DYNC1I1: variants seen among roughly 807,000 people sequenced by gnomAD.
The protein encoded by DYNC1I1 is cytoplasmic dynein 1 intermediate chain 1.
In DYNC1I1, 43 loss-of-function variants were observed where a neutral mutation model predicts 86.6. The ratio of observed to expected loss-of-function variants is 0.50; its 90% CI spans 0.39 to 0.64. The LOEUF is 0.64. DYNC1I1 is among the 30% of genes least tolerant of loss of function. The pLI is 0.00. For missense variants in DYNC1I1, 604 were observed against 788.8 expected, an observed-to-expected ratio of 0.77 and a Z score of 2.81; for synonymous variants, 262 against 283.7, an observed-to-expected ratio of 0.92 and a Z score of 0.77.
At chr7:95,987,986 T>A (rs1481700093) in intron 9 of DYNC1I1, among the ~76,000 whole-genome samples, 1 of 152,222 alleles carries the variant, frequency 6.6e-6, no homozygotes, top group Non-Finnish European at 1.5e-5. Flanking sequence ...CATCTAATAC[T>A]ATTCTTAACC....
At chr7:95,984,792 T>A in intron 7 of DYNC1I1, 23 bp from the exon 8 acceptor site, 1 of 1,555,454 alleles carries the variant, frequency 6.4e-7, no homozygotes, top group Non-Finnish European at 8.6e-7. Context: ...CAATCTCTTT[T>A]ACAAAAAAAT....
chr7:96,053,505 T>TCC (rs1255763857), intron 14 of DYNC1I1, among the ~76,000 whole-genome samples: 1 of 151,768 alleles, frequency 6.6e-6, no homozygotes, highest in Non-Finnish European at 1.5e-5. Flanking sequence ...TCCAACAAAC[T>TCC]CCTGTCACTA....
In DYNC1I1 at chr7:95,815,057, A is replaced by G. The variant is rs143634249; in HGVS notation, c.314+1720A>G. Among the ~76,000 whole-genome samples, 585 of 152,230 alleles carry G rather than the reference A, an allele frequency of 3.8e-3. 4 individuals carry two copies. Among genetic ancestry groups the G allele is most frequent in the African/African-American group, 0.013 (555 of 41,558 alleles). On this transcript the variant is annotated intron_variant, in intron 4 of 16. Transcript: ENST00000447467. The stretch of plus-strand genomic sequence containing the variant: ...TTTCTGTACCATGATGGTGCGTGTC[A>G]TTACTGCTTAGCTTCAAGGGTGCAG...
At chr7:96,079,763 A>G (rs886393074) in intron 15 of DYNC1I1, among the ~76,000 whole-genome samples, 6 of 152,158 alleles carry the variant, frequency 3.9e-5, no homozygotes, top group Admixed American at 2.0e-4. Flanking sequence ...GACAGATTTA[A>G]CAAAAGAGAG....
intron 1 of DYNC1I1, among the ~76,000 whole-genome samples, chr7:95,780,434 A>ATTTTTTT (rs34375387): frequency 7.7e-6 from 1 of 129,782 alleles, no homozygotes; most frequent in Non-Finnish European, 1.6e-5. Flanking sequence ...CACCCGGCTA[A>ATTTTTTT]TTTTTTTTTT....
At chr7:95,792,451 AAC>A (rs1244814921) in intron 1 of DYNC1I1, among the ~76,000 whole-genome samples, 1 of 152,194 alleles carries the variant, frequency 6.6e-6, no homozygotes, top group Non-Finnish European at 1.5e-5. Context: ...TATCTCTGAA[AAC>A]ACAGGATACA....
intron 1 of DYNC1I1, among the ~76,000 whole-genome samples, chr7:95,779,613 C>T (rs912878934): frequency 6.6e-6 from 1 of 152,158 alleles, no homozygotes; most frequent in Non-Finnish European, 1.5e-5. Flanking sequence ...TACTCATTGA[C>T]GTTCGTATTT....
chr7:96,085,309 A>G (rs1376378309), intron 16 of DYNC1I1, among the ~76,000 whole-genome samples: 1 of 152,180 alleles, frequency 6.6e-6, no homozygotes, highest in Non-Finnish European at 1.5e-5. Flanking sequence ...TGAAGGGGTA[A>G]ACACAGGATT....
chr7:95,826,153 G>A (rs2115914605), intron 4 of DYNC1I1, among the ~76,000 whole-genome samples: 1 of 152,198 alleles, frequency 6.6e-6, no homozygotes, highest in Non-Finnish European at 1.5e-5. Flanking sequence ...AATATTCCCG[G>A]GTATCTGTAT....
At chr7:95,959,146 T>C (rs7777866) in intron 6 of DYNC1I1, among the ~76,000 whole-genome samples, 58,587 of 151,914 alleles carry the variant, frequency 0.39, 12,215 homozygotes, top group Non-Finnish European at 0.47. Flanking sequence ...AGTGGCACAA[T>C]GTGGAGATCT....
intron 9 of DYNC1I1, 107 bp from the exon 10 acceptor site, chr7:95,995,841 A>G: frequency 1.4e-6 from 2 of 1,444,550 alleles, no homozygotes; most frequent in South Asian, 2.9e-5. Context: ...AACATAACAG[A>G]AAGCACCATT....
intron 1 of DYNC1I1, among the ~76,000 whole-genome samples, chr7:95,776,977 T>A (rs1245684267): frequency 6.6e-6 from 1 of 152,212 alleles, no homozygotes; most frequent in Non-Finnish European, 1.5e-5. Context: ...AGCCAGATAG[T>A]GGAAGGGCTG....
intron 10 of DYNC1I1, among the ~76,000 whole-genome samples, chr7:96,025,881 G>C (rs2115946761): frequency 6.6e-6 from 1 of 152,068 alleles, no homozygotes; most frequent in South Asian, 2.1e-4. Context: ...AAACACAGAA[G>C]CAATCAAGTG....
chr7:95,898,691 G>T (rs1790952963), intron 6 of DYNC1I1, among the ~76,000 whole-genome samples: 1 of 152,166 alleles, frequency 6.6e-6, no homozygotes, highest in Non-Finnish European at 1.5e-5. Flanking sequence ...TTTCCTCAGT[G>T]TATCCACTGC....
intron 5 of DYNC1I1, among the ~76,000 whole-genome samples, chr7:95,829,007 T>A (rs1248653716): frequency 6.6e-6 from 1 of 152,198 alleles, no homozygotes; most frequent in African/African-American, 2.4e-5. Flanking sequence ...AGCAATTTAT[T>A]AAGCATTTAC....
chr7:96,079,058 A>C (rs992274510), intron 15 of DYNC1I1, among the ~76,000 whole-genome samples: 4 of 152,010 alleles, frequency 2.6e-5, no homozygotes, highest in African/African-American at 9.7e-5. Flanking sequence ...CACAATTGAC[A>C]TACAGTGATT....
chr7:96,047,546 C>T (rs955497550), intron 14 of DYNC1I1, among the ~76,000 whole-genome samples: 17 of 152,124 alleles, frequency 1.1e-4, no homozygotes, highest in African/African-American at 3.6e-4. Context: ...AAGAGGGTCA[C>T]GTGGACCTCA....
At chr7:95,879,456 G>C (rs1057012136) in intron 6 of DYNC1I1, among the ~76,000 whole-genome samples, 1 of 151,980 alleles carries the variant, frequency 6.6e-6, no homozygotes, top group African/African-American at 2.4e-5. Flanking sequence ...TTATATTTTG[G>C]GGATAGTAGA....
intron 6 of DYNC1I1, among the ~76,000 whole-genome samples, chr7:95,912,063 A>G (rs962373904): frequency 6.6e-6 from 1 of 152,028 alleles, no homozygotes; most frequent in Admixed American, 6.6e-5. Flanking sequence ...TTGAGAAAGA[A>G]TCTTGCTCTG....
Sources: allele counts gnomAD v4.1 joint callset (sites outside exome capture counted in the v4.1 genomes callset), GRCh38; gene constraint gnomAD v4.1.1; transcripts MANE v1.5; gene names NCBI Gene and HGNC (gene_info 2026-07-23, HGNC 2026-07-21).